ADAM28: variants seen among roughly 807,000 people sequenced by gnomAD.
ADAM28 encodes disintegrin and metalloproteinase domain-containing protein 28.
In ADAM28, 105 loss-of-function variants were observed where a neutral mutation model predicts 101.2. That is an observed-to-expected ratio of 1.04 (90% CI 0.89 to 1.22). The LOEUF (loss-of-function observed/expected upper bound fraction) is 1.22, where lower values mean the gene tolerates loss of function less well. ADAM28 is among the 50% of genes most tolerant of loss of function. The probability of loss-of-function intolerance (pLI) is 0.00; values close to 1 mark genes in which losing one functional copy is unlikely to be tolerated. For missense variants in ADAM28, 1,028 were observed against 945.4 expected, an observed-to-expected ratio of 1.09 and a Z score of -1.15; for synonymous variants, 322 against 310.6, an observed-to-expected ratio of 1.04 and a Z score of -0.39.
intron 22 of ADAM28, among the ~76,000 whole-genome samples, chr8:24,354,176 G>A (rs111486828): frequency 7.9e-5 from 12 of 151,966 alleles, no homozygotes; most frequent in South Asian, 2.1e-4. Flanking sequence ...GCTAATTACC[G>A]GATAGATACT....
At chr8:24,326,049 C>T (rs1435496877) in intron 9 of ADAM28, among the ~76,000 whole-genome samples, 1 of 151,618 alleles carries the variant, frequency 6.6e-6, no homozygotes, top group Non-Finnish European at 1.5e-5. Flanking sequence ...AACCCCTCTC[C>T]AGTATAAAAC....
At chr8:24,300,672 T>C (rs1234491691) in intron 2 of ADAM28, among the ~76,000 whole-genome samples, 1 of 152,290 alleles carries the variant, frequency 6.6e-6, no homozygotes, top group East Asian at 1.9e-4. Flanking sequence ...CGCCTCGGCC[T>C]CCCAAAGTGC....
At chr8:24,345,722 G>T (rs975258249) in intron 18 of ADAM28, among the ~76,000 whole-genome samples, 9 of 151,784 alleles carry the variant, frequency 5.9e-5, no homozygotes, top group Non-Finnish European at 5.9e-5. Context: ...TTTTTCTTTA[G>T]TTATCATCCA....
intron 18 of ADAM28, among the ~76,000 whole-genome samples, chr8:24,348,587 C>A (rs1815699458): frequency 6.6e-6 from 1 of 152,068 alleles, no homozygotes; most frequent in Non-Finnish European, 1.5e-5. Context: ...TACTTTTATA[C>A]TTTTAGGATG....
intron 11 of ADAM28, 103 bp downstream of exon 11, chr8:24,330,218 G>C (rs982804088): frequency 7.1e-7 from 1 of 1,408,988 alleles, no homozygotes; most frequent in South Asian, 1.5e-5. Context: ...TCGAGTTTTT[G>C]AGTCACTAAA....
At chr8:24,329,370 G>A (rs763064325) in intron 10 of ADAM28, among the ~76,000 whole-genome samples, 3 of 152,124 alleles carry the variant, frequency 2.0e-5, no homozygotes, top group African/African-American at 7.2e-5. Context: ...AACCTGCAAC[G>A]ATTCTCCTGC....
chr8:24,326,250 T>G (rs1812600168), intron 9 of ADAM28, among the ~76,000 whole-genome samples: 1 of 151,972 alleles, frequency 6.6e-6, no homozygotes, highest in Non-Finnish European at 1.5e-5. Context: ...TAGACAGATG[T>G]TTATTAAGAC....
intron 10 of ADAM28, among the ~76,000 whole-genome samples, chr8:24,327,864 C>T (rs1026269813): frequency 1.3e-5 from 2 of 152,184 alleles, no homozygotes; most frequent in Admixed American, 6.5e-5. Context: ...TCTTTCTTCC[C>T]ATCTATTGTG....
rs763421027 is a variant in ADAM28 at position 24,294,194 on chromosome 8, A to T, written c.45A>T (p.Ala15=). Residue 15 remains alanine (A), a splice_region_variant and synonymous_variant, in exon 1 of 23, where the codon GCA becomes GCT. Transcript: ENST00000265769. The part of the protein sequence containing the change: ...LLPVSLLLSV[A]VSAIKELPGV... ...CAGTCAGTCTCCTCCTCTCTGTTGC[A>T]GGTACATATTTAGCTCTTTTTCAGG... 1 of 1,614,010 alleles carries T rather than the reference A, an allele frequency of 6.2e-7. No homozygotes were observed. Among genetic ancestry groups the T allele is most frequent in the African/African-American group, 1.3e-5 (1 of 74,936 alleles).
chr8:24,327,965 T>C (rs1213192590), intron 10 of ADAM28, among the ~76,000 whole-genome samples: 1 of 152,090 alleles, frequency 6.6e-6, no homozygotes, highest in Non-Finnish European at 1.5e-5. Context: ...TTCATTGCAA[T>C]TTAAAATTAA....
intron 19 of ADAM28, among the ~76,000 whole-genome samples, chr8:24,350,437 G>A (rs748158509): frequency 7.9e-5 from 12 of 151,804 alleles, no homozygotes; most frequent in Non-Finnish European, 1.5e-4. Context: ...CCTCAGCCCC[G>A]AGTATCTGGG....
intron 16 of ADAM28, among the ~76,000 whole-genome samples, chr8:24,342,715 G>A (rs1347660122): frequency 6.6e-6 from 1 of 152,018 alleles, no homozygotes; most frequent in Non-Finnish European, 1.5e-5. Flanking sequence ...CACATGACCT[G>A]GCATGGATGT....
At chr8:24,310,020 A>T in intron 3 of ADAM28, 50 bp downstream of exon 3, 1 of 1,494,258 alleles carries the variant, frequency 6.7e-7, no homozygotes, top group Admixed American at 1.7e-5. Context: ...AAGGCAGCCT[A>T]TGGAGAGTGT....
intron 5 of ADAM28, among the ~76,000 whole-genome samples, chr8:24,312,166 G>A (rs1810550842): frequency 6.6e-6 from 1 of 152,030 alleles, no homozygotes; most frequent in African/African-American, 2.4e-5. Context: ...TAGTAAGGTG[G>A]CTCTTCTGAT....
rs1223985016 is a variant in ADAM28 at position 24,354,607 on chromosome 8, TAA to T, written c.*206_*207del. The T allele has an allele frequency of 2.2e-6, 1 of 449,946 alleles. No individual in the cohort carries two copies. Among genetic ancestry groups the T allele is most frequent in the Non-Finnish European group, 3.9e-6 (1 of 254,448 alleles). 27.9% of individuals were successfully genotyped at this position (449,946 alleles called of 1,614,324 possible). ...ATGCCTGAGAACCTTTGCATGAATTTAAAATTTCAATTATCCATTCTTATAAG... is the reference window on the plus strand; with the variant it reads ...ATGCCTGAGAACCTTTGCATGAATTTAATTTCAATTATCCATTCTTATAAG... On this transcript the variant is annotated 3_prime_UTR_variant, in exon 23 of 23. Transcript: ENST00000265769.
rs1811844446 is a variant in ADAM28, at chr8:24,321,293, A to G, written c.720+4A>G. ...GATGGCTAATTATGTCAACATGGTA[A>G]GACATATTTTATTACCTGCAGTTTT... On this transcript the variant is annotated splice_donor_region_variant and intron_variant, in intron 8 of 22. Transcript: ENST00000265769. 6.3e-7 allele frequency: 1 copy of G among 1,596,702 alleles called. No individual in the cohort carries two copies. Among genetic ancestry groups the G allele is most frequent in the Non-Finnish European group, 8.6e-7 (1 of 1,165,040 alleles).
intron 14 of ADAM28, 27 bp downstream of exon 14, chr8:24,335,668 G>T: frequency 6.5e-7 from 1 of 1,543,396 alleles, no homozygotes; most frequent in Non-Finnish European, 8.7e-7. Context: ...TTTCCCCTGT[G>T]CATGTGCGAA....
chr8:24,294,308 C>G, intron 1 of ADAM28, 113 bp downstream of exon 1: 1 of 1,274,456 alleles, frequency 7.8e-7, no homozygotes, highest in Non-Finnish European at 1.1e-6. Context: ...TCTTTTTTCT[C>G]AATCAATCTT....
chr8:24,341,531 A>G (rs1814760682), intron 15 of ADAM28, 67 bp from the exon 16 acceptor site: 4 of 1,480,442 alleles, frequency 2.7e-6, no homozygotes, highest in East Asian at 2.3e-5. Context: ...TTAAATATCC[A>G]TAGTCCTAGA....
Sources: allele counts gnomAD v4.1 joint callset (sites outside exome capture counted in the v4.1 genomes callset), GRCh38; gene constraint gnomAD v4.1.1; transcripts MANE v1.5; gene names NCBI Gene and HGNC (gene_info 2026-07-23, HGNC 2026-07-21).